Variants in TMEM25 observed in about 807,000 individuals in gnomAD.
TMEM25 encodes transmembrane protein 25, also known as 0610039J01Rik.
Under a neutral mutation model 37.0 loss-of-function variants are expected in TMEM25, and 36 were observed. The ratio of observed to expected loss-of-function variants is 0.97; its 90% CI spans 0.75 to 1.28. The LOEUF (loss-of-function observed/expected upper bound fraction) is 1.28. Ranked by LOEUF, TMEM25 falls within the 50% of genes most tolerant of loss-of-function variation. TMEM25 has a pLI of 0.00. For synonymous variants in TMEM25, 197 were observed against 203.7 expected, an observed-to-expected ratio of 0.97 and a Z score of 0.28; for missense variants, 444 against 477.9, an observed-to-expected ratio of 0.93 and a Z score of 0.66.
At chr11:118,545,609 G>T in intron 8 of TMEM25, 10 of 1,084,764 alleles carry the variant, frequency 9.2e-6, no homozygotes, top group Non-Finnish European at 1.4e-5. Flanking sequence ...GACTTTGGGG[G>T]TTAAATACCC....
Position 118,535,433 on chromosome 11 carries a change from G to A in TMEM25, c.*853G>A. The A allele has an allele frequency of 6.8e-7, 1 of 1,473,026 alleles. No homozygotes were observed. The highest frequency in any genetic ancestry group is 1.3e-5 in the South Asian group (1 of 74,528). The allele number at this position is 1,473,026 out of a possible 1,614,324, so 91.2% of individuals were successfully genotyped here. On this transcript the variant is annotated 3_prime_UTR_variant, in exon 9 of 9. Transcript: ENST00000313236. The stretch of plus-strand genomic sequence containing the variant: ...GTGAGGGGCCCAGAGCCCTCTTTGT[G>A]GCTTCCCCACGTTTGGCCTTCTGGG...
rs1555061989 is a variant in TMEM25 at position 118,534,364 on chromosome 11, G to T, written c.1027+9G>T. On this transcript the variant is annotated intron_variant, in intron 8 of 8. Transcript: ENST00000313236. This position sits in a 1 kb window ranked among gnomAD's most constrained non-coding sequence, Gnocchi z 4.6. ...CCTCCTCACCAGCCAAGGTACTGGG[G>T]AAGGGGCCTGCCACCCTCCTCCTCT... 4 of 1,613,414 alleles carry T rather than the reference G, an allele frequency of 2.5e-6. No individual in the cohort carries two copies. The African/African-American group carries it at 4.0e-5, about 16-fold the overall frequency.
chr11:118,535,277 G>T lies in TMEM25; in HGVS notation c.*697G>T. On this transcript the variant is annotated 3_prime_UTR_variant, in exon 9 of 9. Coordinates refer to ENST00000313236, the MANE Select transcript of TMEM25 (RefSeq NM_032780.4). ...GACTTTTCTATTGGCCTGTGCCATC[G>T]CCCAGTATTAGCACAAGTTAGGGAG... 1.6e-6 allele frequency: 2 copies of T among 1,241,532 alleles called. No homozygotes were observed. The highest frequency in any genetic ancestry group is 2.0e-6 in the Non-Finnish European group (2 of 990,290). The allele number at this position is 1,241,532 out of a possible 1,614,324, so 76.9% of individuals were successfully genotyped here. A position where few individuals can be genotyped will look rare whatever the true frequency, so the allele number is the denominator to read the frequency against.
chr11:118,545,877 A>C, intron 8 of TMEM25: 1 of 1,610,816 alleles, frequency 6.2e-7, no homozygotes, highest in South Asian at 1.1e-5. Context: ...GGAAGGACCA[A>C]AGTCAAAAGG....
At chr11:118,542,191 A>T (rs1555065666) in intron 8 of TMEM25, among the ~76,000 whole-genome samples, 1 of 151,706 alleles carries the variant, frequency 6.6e-6, no homozygotes, top group Non-Finnish European at 1.5e-5. Flanking sequence ...GCTTGTGGGG[A>T]CTCTGCAGAA....
At chr11:118,539,508 TC>T (rs2135432154), downstream of TMEM25, among the ~76,000 whole-genome samples, 1 of 152,288 alleles carries the variant, frequency 6.6e-6, no homozygotes, top group East Asian at 1.9e-4. Context: ...AGGAGAGTTT[TC>T]CCTAGGTTTT....
intron 2 of TMEM25, 125 bp from the exon 3 acceptor site, chr11:118,532,025 C>T (rs548013415): frequency 2.2e-6 from 3 of 1,365,730 alleles, no homozygotes; most frequent in Non-Finnish European, 2.9e-6. Context: ...CCAGCCAGTC[C>T]CTGGTGAGAG....
downstream of TMEM25, among the ~76,000 whole-genome samples, chr11:118,536,098 G>A (rs1338789340): frequency 1.3e-5 from 2 of 151,976 alleles, no homozygotes; most frequent in African/African-American, 2.4e-5. Flanking sequence ...GACTGGTCTC[G>A]AACTCCTGAC....
At position 118,533,469 on chromosome 11, in the gene TMEM25, T is replaced by C. The variant is rs1555060925; in HGVS notation, c.723T>C (p.Ala241=). The C allele has an allele frequency of 1.2e-6, 2 of 1,614,180 alleles. No individual in the cohort carries two copies. The highest frequency in any genetic ancestry group is 2.2e-5 in the East Asian group (1 of 44,866). ...VEVPLLGIVV[A]AGLALGTLVG... The stretch of plus-strand genomic sequence containing the variant: ...TGCCACTGCTGGGCATTGTTGTGGC[T>C]GCTGGGCTTGCACTGGGCACCCTCG... Residue 241 remains alanine, a synonymous_variant, in exon 5 of 9, where the codon GCT becomes GCC. Coordinates refer to ENST00000313236, the MANE Select transcript of TMEM25 (RefSeq NM_032780.4).
Position 118,532,789 on chromosome 11 carries a change from C to A in TMEM25, c.383-128C>A, listed in dbSNP as rs782281590. 2.5e-4 allele frequency: 332 copies of A among 1,340,444 alleles called. 1 individual carries two copies. In the Middle Eastern group the frequency reaches 4.2e-3, roughly 17 times the overall value. 83.0% of individuals were successfully genotyped at this position (1,340,444 alleles called of 1,614,324 possible). A position where few individuals can be genotyped will look rare whatever the true frequency, so the allele number is the denominator to read the frequency against. On this transcript the variant is annotated intron_variant, in intron 3 of 8. Coordinates refer to ENST00000313236, the MANE Select transcript of TMEM25 (RefSeq NM_032780.4). ...AATGCTGCCTCTCTGGCAGACCCAG[C>A]CATCCTGTTCCTCAGCATCCCCTCT...
In TMEM25 at chr11:118,533,564, C is replaced by CCAA. The variant is rs1555061064; in HGVS notation, c.805+13_805+14insCAA. 1 of 1,613,834 alleles carries CCAA rather than the reference C, an allele frequency of 6.2e-7. No individual in the cohort carries two copies. The highest frequency in any genetic ancestry group is 1.7e-5 in the Admixed American group (1 of 60,014). ...AAGAAAACCAAAGGTAGGCCAGGGA[C>CCAA]ACTGGGGGCAGTGTGGATGAGGTCA... On this transcript the variant is annotated intron_variant, in intron 5 of 8. Transcript: ENST00000313236.
intron 8 of TMEM25, chr11:118,544,397 A>G (rs1363613457): frequency 6.6e-6 from 1 of 152,464 alleles, no homozygotes; most frequent in African/African-American, 2.4e-5. Flanking sequence ...TTGGGGTTTC[A>G]TTTTATTTCA....
chr11:118,532,857 G>C, intron 3 of TMEM25, 60 bp from the exon 4 acceptor site: 4 of 1,552,634 alleles, frequency 2.6e-6, no homozygotes, highest in Non-Finnish European at 3.5e-6. Context: ...GGTTTGGGAA[G>C]AAAGGGCTAG....
intron 8 of TMEM25, chr11:118,545,717 G>C: frequency 6.9e-7 from 1 of 1,449,250 alleles, no homozygotes; most frequent in Non-Finnish European, 9.7e-7. Flanking sequence ...TATCTTCCCA[G>C]AGTAAACAAG....
Position 118,531,793 on chromosome 11 carries a change from C to G in TMEM25, c.-9C>G, listed in dbSNP as rs1486757966. ...CTCTCAGCAGCCTAGGGCCTAGGCC[C>G]GGGCCACCATGGCGCTGCCTCCAGG... On this transcript the variant is annotated 5_prime_UTR_variant, in exon 2 of 9. Transcript: ENST00000313236. 2 of 1,550,038 alleles carry G rather than the reference C, an allele frequency of 1.3e-6. No homozygotes were observed. Among genetic ancestry groups the G allele is most frequent in the South Asian group, 1.2e-5 (1 of 83,968 alleles).
At chr11:118,533,771 C>G (rs1361520056) in intron 5 of TMEM25, 86 bp from the exon 6 acceptor site, 21 of 1,604,750 alleles carry the variant, frequency 1.3e-5, no homozygotes, top group Admixed American at 1.7e-5. Flanking sequence ...AGACCCCTTG[C>G]CTGAGGGTCC....
Position 118,535,174 on chromosome 11 carries a change from T to C in TMEM25, c.*594T>C. On this transcript the variant is annotated 3_prime_UTR_variant, in exon 9 of 9. Coordinates refer to ENST00000313236, the MANE Select transcript of TMEM25 (RefSeq NM_032780.4). ...GCTGCACACGTCTCTGCCCTTCACT[T>C]CTTCTCTTCTGTCCCCACCTCCTCT... is the stretch of plus-strand genomic sequence containing the variant. 9.5e-7 allele frequency: 1 copy of C among 1,052,664 alleles called. No individual in the cohort carries two copies. The highest frequency in any genetic ancestry group is 1.1e-6 in the Non-Finnish European group (1 of 873,672). 65.2% of individuals were successfully genotyped at this position (1,052,664 alleles called of 1,614,324 possible).
At chr11:118,537,975 C>A, downstream of TMEM25, among the ~76,000 whole-genome samples, 1 of 151,910 alleles carries the variant, frequency 6.6e-6, no homozygotes, top group Non-Finnish European at 1.5e-5. Flanking sequence ...CACTTCAGCC[C>A]AGGAGGCAGA....
downstream of TMEM25, among the ~76,000 whole-genome samples, chr11:118,540,145 T>C (rs542988084): frequency 6.6e-6 from 1 of 151,838 alleles, no homozygotes; most frequent in Non-Finnish European, 1.5e-5. Context: ...AGTCTCGCTC[T>C]GTTGCCCAGG....
Sources: gnomAD v4.1 joint callset for allele counts (sites outside exome capture counted in the v4.1 genomes callset) on GRCh38, gnomAD v4.1.1 for gene constraint, Gnocchi (gnomAD v3.1) non-coding constraint, MANE v1.5 for transcripts, NCBI Gene and HGNC (gene_info 2026-07-23, HGNC 2026-07-21) for gene names.